KATNIP: variants seen among roughly 807,000 people sequenced by gnomAD.
KATNIP encodes katanin interacting protein, also known as katanin-interacting protein.
In KATNIP, 126 loss-of-function variants were observed where a neutral mutation model predicts 174.0. That is an observed-to-expected ratio of 0.72 (90% CI 0.63 to 0.84). The LOEUF (loss-of-function observed/expected upper bound fraction) is 0.84, where lower values mean the gene tolerates loss of function less well. KATNIP is among the 40% of genes least tolerant of loss of function. The probability of loss-of-function intolerance (pLI) is 0.00; values close to 1 mark genes in which losing one functional copy is unlikely to be tolerated. For missense variants in KATNIP, 1,958 were observed against 2,109.7 expected, an observed-to-expected ratio of 0.93 and a Z score of 1.41; for synonymous variants, 810 against 835.7, an observed-to-expected ratio of 0.97 and a Z score of 0.53.
chr16:27,560,519 G>C (rs549029758), intron 1 of KATNIP, among the ~76,000 whole-genome samples: 1 of 152,194 alleles, frequency 6.6e-6, no homozygotes, highest in East Asian at 1.9e-4. Context: ...TCCTTTGCAG[G>C]CATCTGAGAT....
At chr16:27,718,710 C>G (rs997295894) in intron 13 of KATNIP, 1 of 150,334 alleles carries the variant, frequency 6.7e-6, no homozygotes, top group Non-Finnish European at 1.5e-5. Context: ...GAATGAGACT[C>G]ACCCGCTGGA....
intron 2 of KATNIP, among the ~76,000 whole-genome samples, chr16:27,592,826 A>T (rs2075220832): frequency 6.6e-6 from 1 of 152,170 alleles, no homozygotes. Context: ...AATTGTTGGG[A>T]TTACAGGCAT....
chr16:27,679,979 C>T (rs932402650), intron 7 of KATNIP, among the ~76,000 whole-genome samples: 31 of 152,124 alleles, frequency 2.0e-4, no homozygotes, highest in African/African-American at 3.4e-4. Flanking sequence ...CCCTCCAGAC[C>T]GCACTCAGAA....
Position 27,703,967 on chromosome 16 carries a change from C to G in KATNIP, c.1358C>G (p.Ser453Ter). The G allele has an allele frequency of 6.2e-7, 1 of 1,614,184 alleles. No individual in the cohort carries two copies. The highest frequency in any genetic ancestry group is 8.5e-7 in the Non-Finnish European group (1 of 1,180,004). ...TCTGCCCATCTCGGCAGGGTGGTTTCACCAACCAAGGAGCAAGTATCAGAC... is the reference window on the plus strand; with the variant it reads ...TCTGCCCATCTCGGCAGGGTGGTTTGACCAACCAAGGAGCAAGTATCAGAC... Reference protein sequence around the residue: ...SDSAHLGRVVSPTKEQVSDTE... With the variant: ...SDSAHLGRVV Residue 453 changes from serine to a stop codon, truncating the protein, a stop_gained, in exon 12 of 28, where the codon TCA becomes TGA. Transcript: ENST00000261588. LOFTEE classifies it high-confidence loss of function.
chr16:27,770,498 CT>C (rs1246189675), intron 21 of KATNIP, among the ~76,000 whole-genome samples: 2 of 152,254 alleles, frequency 1.3e-5, no homozygotes, highest in African/African-American at 4.8e-5. Flanking sequence ...TTGAAACCCC[CT>C]GATGTCCAAA....
At chr16:27,641,792 A>G (rs967702167) in intron 5 of KATNIP, among the ~76,000 whole-genome samples, 7 of 152,222 alleles carry the variant, frequency 4.6e-5, no homozygotes, top group Admixed American at 2.0e-4. Context: ...AGGAGATACC[A>G]ATGCTGCTGG....
intron 1 of KATNIP, among the ~76,000 whole-genome samples, chr16:27,568,653 CAG>C (rs1160173640): frequency 6.6e-6 from 1 of 152,078 alleles, no homozygotes; most frequent in Non-Finnish European, 1.5e-5. Context: ...TTAGTAGAAA[CAG>C]AGTTTCACCC....
chr16:27,687,500 ATG>A (rs2078566518), intron 8 of KATNIP: 1 of 152,094 alleles, frequency 6.6e-6, no homozygotes, highest in African/African-American at 2.4e-5. Flanking sequence ...TGTCAATTAA[ATG>A]TGTGTGTGAT....
At chr16:27,646,579 G>T (rs978169247) in intron 5 of KATNIP, among the ~76,000 whole-genome samples, 1 of 152,228 alleles carries the variant, frequency 6.6e-6, no homozygotes, top group Non-Finnish European at 1.5e-5. Context: ...GACTGATGAA[G>T]CTGCAGATCC....
chr16:27,739,934 C>T (rs182188317), intron 14 of KATNIP, 107 bp from the exon 15 acceptor site: 38 of 1,268,380 alleles, frequency 3.0e-5, no homozygotes, highest in Non-Finnish European at 4.0e-5. Flanking sequence ...GCTTGCATTT[C>T]TAGCATTTCA....
In KATNIP at chr16:27,736,949, C is replaced by T. The variant is rs1056628247; in HGVS notation, c.1744-3092C>T. The stretch of plus-strand genomic sequence containing the variant: ...GTGTTCTGGAGAGAGAGCCGAGGGA[C>T]GTGCCCACATACTGGATATGAGTGA... On this transcript the variant is annotated intron_variant, in intron 14 of 27. Coordinates refer to ENST00000261588, the MANE Select transcript of KATNIP (RefSeq NM_015202.5). 2.6e-5 allele frequency among the ~76,000 whole-genome samples: 4 copies of T among 151,898 alleles called. 1 individual carries two copies. Among genetic ancestry groups the T allele is most frequent in the Admixed American group, 2.0e-4 (3 of 15,252 alleles).
At chr16:27,681,551 T>A in intron 8 of KATNIP, 21 bp downstream of exon 8, 1 of 1,613,574 alleles carries the variant, frequency 6.2e-7, no homozygotes, top group Non-Finnish European at 8.5e-7. Flanking sequence ...CGGGGGCCCC[T>A]GAGCAGGGGA....
At chr16:27,645,933 C>T (rs1185515727) in intron 5 of KATNIP, among the ~76,000 whole-genome samples, 1 of 152,184 alleles carries the variant, frequency 6.6e-6, no homozygotes, top group Non-Finnish European at 1.5e-5. Context: ...TAGTGGGGCA[C>T]ATGGCCACCT....
chr16:27,719,322 C>T (rs984205786), intron 13 of KATNIP, among the ~76,000 whole-genome samples: 28 of 152,282 alleles, frequency 1.8e-4, no homozygotes, highest in Non-Finnish European at 7.3e-5. Context: ...CCATGTCTTC[C>T]GAGTCTGCAG....
intron 6 of KATNIP, among the ~76,000 whole-genome samples, chr16:27,673,951 G>A (rs530879904): frequency 1.3e-5 from 2 of 152,102 alleles, no homozygotes; most frequent in Non-Finnish European, 2.9e-5. Flanking sequence ...GATACTGGTC[G>A]AGCACCTACT....
chr16:27,716,162 C>T (rs1397374224), intron 13 of KATNIP, among the ~76,000 whole-genome samples: 4 of 152,114 alleles, frequency 2.6e-5, no homozygotes, highest in Non-Finnish European at 5.9e-5. Context: ...CTGGATGAAC[C>T]TTGAAAACAT....
intron 6 of KATNIP, among the ~76,000 whole-genome samples, chr16:27,650,171 T>TA (rs5816441): frequency 0.8 from 116,037 of 145,306 alleles, 46,388 homozygotes; most frequent in South Asian, 0.91. Flanking sequence ...AAACTGTGTC[T>TA]AAAAAAAAAA....
intron 6 of KATNIP, among the ~76,000 whole-genome samples, chr16:27,668,448 G>A (rs754924891): frequency 6.6e-6 from 1 of 152,210 alleles, no homozygotes; most frequent in Non-Finnish European, 1.5e-5. Flanking sequence ...CCATGTAAGA[G>A]GTGACTTGCT....
At chr16:27,592,819 T>G (rs2075220375) in intron 2 of KATNIP, among the ~76,000 whole-genome samples, 1 of 152,134 alleles carries the variant, frequency 6.6e-6, no homozygotes, top group Non-Finnish European at 1.5e-5. Context: ...CCTCCCAAAT[T>G]GTTGGGATTA....
Sources: gnomAD v4.1 joint callset for allele counts (sites outside exome capture counted in the v4.1 genomes callset) on GRCh38, gnomAD v4.1.1 for gene constraint, MANE v1.5 for transcripts, NCBI Gene and HGNC (gene_info 2026-07-23, HGNC 2026-07-21) for gene names.